The following TET2 variants were observed in gnomAD, a reference collection of about 807,000 sequenced individuals.
TET2 encodes the protein methylcytosine dioxygenase TET2.
In TET2, 299 loss-of-function variants were observed where a neutral mutation model predicts 142.9. The ratio of observed to expected loss-of-function variants is 2.09; its 90% CI spans 1.90 to 2.30. The LOEUF (loss-of-function observed/expected upper bound fraction) is 2.30, where lower values mean the gene tolerates loss of function less well. Among genes scored for constraint, TET2 ranks in the 30% most tolerant of loss-of-function variants. TET2 has a pLI of 0.00. For synonymous variants in TET2, 819 were observed against 849.0 expected, an observed-to-expected ratio of 0.96 and a Z score of 0.61; for missense variants, 2,418 against 2,378.0, an observed-to-expected ratio of 1.02 and a Z score of -0.35.
intron 2 of TET2, among the ~76,000 whole-genome samples, chr4:105,230,698 G>A (rs182793472): frequency 2.6e-5 from 4 of 152,108 alleles, no homozygotes; most frequent in East Asian, 1.9e-4. Context: ...ATTTGTAGGC[G>A]TCCTATATGT....
chr4:105,186,661 G>A (rs868490295), intron 1 of TET2, among the ~76,000 whole-genome samples: 4 of 151,792 alleles, frequency 2.6e-5, no homozygotes, highest in South Asian at 2.1e-4. Flanking sequence ...TAGTAGAGAC[G>A]GGGTTTCATC....
intron 4 of TET2, chr4:105,241,713 A>C: frequency 7.8e-7 from 1 of 1,281,238 alleles, no homozygotes; most frequent in South Asian, 3.3e-5. Flanking sequence ...TGCCAGCCAC[A>C]AGGTACTGGC....
chr4:105,276,133 T>G lies in TET2; in HGVS notation c.5623T>G (p.Cys1875Gly), dbSNP rs1731210786. ...AACTCATGGGTCAATTCTCATTGAG[T>G]GTGCAAAGCGTGAGCTGCATGCCAC... ...APTHGSILIE[C>G]AKRELHATTP... Residue 1875 changes from cysteine (C) to glycine (G), a missense_variant, in exon 11 of 11, where the codon TGT becomes GGT. Coordinates refer to ENST00000380013, the MANE Select transcript of TET2 (RefSeq NM_001127208.3). The G allele has an allele frequency of 6.4e-7, 1 of 1,551,438 alleles. No individual in the cohort carries two copies. Among genetic ancestry groups the G allele is most frequent in the Non-Finnish European group, 8.7e-7 (1 of 1,146,968 alleles).
At chr4:105,229,810 T>C (rs2110619813) in intron 2 of TET2, among the ~76,000 whole-genome samples, 1 of 152,190 alleles carries the variant, frequency 6.6e-6, no homozygotes, top group Non-Finnish European at 1.5e-5. Context: ...GGTTGTAGCA[T>C]TCTTATATAA....
At position 105,276,289 on chromosome 4, in the gene TET2, G is replaced by A. The variant is rs2110316465; in HGVS notation, c.5779G>A (p.Glu1927Lys). The A allele has an allele frequency of 6.4e-7, 1 of 1,551,660 alleles. No homozygotes were observed. Among genetic ancestry groups the A allele is most frequent in the Non-Finnish European group, 8.7e-7 (1 of 1,146,962 alleles). The change falls in exon 11 of 11, where the codon GAG (glutamate) becomes AAG (lysine). Residue 1927 changes from glutamate to lysine, a missense_variant. Transcript: ENST00000380013. ...WEAKMAEKAR[E>K]KEEECEKYGP... is the part of the protein sequence containing the mutation. ...AGCCAAAATGGCTGAAAAAGCCCGT[G>A]AGAAAGAGGAAGAGTGTGAAAAGTA...
In TET2 at chr4:105,236,382, C is replaced by T. The variant is rs192553789; in HGVS notation, c.2440C>T (p.Arg814Cys). Residue 814 changes from arginine to cysteine, a missense_variant, in exon 3 of 11, where the codon CGT becomes TGT. Coordinates refer to ENST00000380013, the MANE Select transcript of TET2 (RefSeq NM_001127208.3). ...MGLEEVQNIN[R>C]RNSPYSQTMK... The stretch of plus-strand genomic sequence containing the variant: ...ACTGGAGGAAGTACAGAATATAAAT[C>T]GTAGAAATTCCCCTTATAGTCAGAC... 323 of 1,613,894 alleles carry T rather than the reference C, an allele frequency of 2.0e-4. 5 individuals are homozygous for T. The East Asian group carries it at 4.5e-3, about 22-fold the overall frequency.
Position 105,278,732 on chromosome 4 carries a change from A to G in TET2, c.*2213A>G, listed in dbSNP as rs536509630. On this transcript the variant is annotated 3_prime_UTR_variant, in exon 11 of 11. Coordinates refer to ENST00000380013, the MANE Select transcript of TET2 (RefSeq NM_001127208.3). ...CTTTTGACTGTTTCAAGCAGGAAAA[A>G]AAAATTACATGAAAATAGAATGCAC... The G allele has an allele frequency of 2.7e-4, 62 of 233,020 alleles. No homozygotes were observed. The highest frequency in any genetic ancestry group is 1.3e-3 in the African/African-American group (59 of 45,452). The allele number at this position is 233,020 out of a possible 1,614,324, so 14.4% of individuals were successfully genotyped here. A position where few individuals can be genotyped will look rare whatever the true frequency, so the allele number is the denominator to read the frequency against.
chr4:105,156,969 AAAGTT>A (rs1372151228), intron 1 of TET2, among the ~76,000 whole-genome samples: 1 of 152,190 alleles, frequency 6.6e-6, no homozygotes, highest in East Asian at 1.9e-4. Flanking sequence ...CATTGGCTGT[AAAGTT>A]ATCTCAGCTC....
intron 6 of TET2, among the ~76,000 whole-genome samples, chr4:105,247,030 C>T (rs1251204431): frequency 6.6e-6 from 1 of 152,086 alleles, no homozygotes; most frequent in African/African-American, 2.4e-5. Context: ...GCCAGAAATG[C>T]CTTCTGCCAT....
chr4:105,214,041 A>G (rs1446298983), intron 2 of TET2, among the ~76,000 whole-genome samples: 1 of 151,948 alleles, frequency 6.6e-6, no homozygotes, highest in Non-Finnish European at 1.5e-5. Flanking sequence ...AGTAGAAACA[A>G]GGTTTCACCA....
At position 105,269,697 on chromosome 4, in the gene TET2, T is replaced by A. The variant is rs1405863391; in HGVS notation, c.4132T>A (p.Cys1378Ser). The A allele has an allele frequency of 6.4e-7, 1 of 1,551,566 alleles. No homozygotes were observed. The highest frequency in any genetic ancestry group is 8.7e-7 in the Non-Finnish European group (1 of 1,146,966). Reference sequence around the variant, plus strand: ...AGGGGTCACTGCATGTTTGGACTTCTGTGCTCATGCCCACAGAGACTTGCA... The same window carrying A: ...AGGGGTCACTGCATGTTTGGACTTCAGTGCTCATGCCCACAGAGACTTGCA... Reference protein sequence around the residue: ...FSGVTACLDFCAHAHRDLHNM... With the variant: ...FSGVTACLDFSAHAHRDLHNM... The change falls in exon 9 of 11, where the codon TGT (cysteine) becomes AGT (serine). Residue 1378 changes from cysteine (C) to serine (S), a missense_variant. Cys to Ser is a moderately radical substitution (Grantham distance 112). Transcript: ENST00000380013.
chr4:105,220,806 A>C (rs1027642200), intron 2 of TET2, among the ~76,000 whole-genome samples: 3 of 152,044 alleles, frequency 2.0e-5, no homozygotes, highest in African/African-American at 7.2e-5. Flanking sequence ...ATCTGTCCTT[A>C]TTTCTTCTAT....
intron 6 of TET2, among the ~76,000 whole-genome samples, chr4:105,259,297 C>T (rs1317613059): frequency 6.6e-6 from 1 of 152,086 alleles, no homozygotes; most frequent in Admixed American, 6.6e-5. Context: ...GGGAGACAGA[C>T]AGTGAGTGAC....
At chr4:105,257,995 T>A (rs768676996) in intron 6 of TET2, among the ~76,000 whole-genome samples, 5 of 152,090 alleles carry the variant, frequency 3.3e-5, no homozygotes, top group African/African-American at 9.7e-5. Flanking sequence ...CAGTCTAGAG[T>A]ATATCCAACC....
At chr4:105,265,844 A>T (rs1730656833) in intron 8 of TET2, among the ~76,000 whole-genome samples, 2 of 152,196 alleles carry the variant, frequency 1.3e-5, no homozygotes, top group Admixed American at 1.3e-4. Flanking sequence ...AGGTGAACCT[A>T]TAAATACCCC....
intron 1 of TET2, among the ~76,000 whole-genome samples, chr4:105,166,240 T>C (rs552009800): frequency 7.2e-5 from 11 of 152,282 alleles, no homozygotes. Context: ...GATGCTACTT[T>C]AAGCATTAGG....
chr4:105,163,995 A>G (rs1012296288), intron 1 of TET2, among the ~76,000 whole-genome samples: 2 of 152,114 alleles, frequency 1.3e-5, no homozygotes, highest in Admixed American at 6.6e-5. Flanking sequence ...GATTATTACT[A>G]TCAGGCTAAT....
chr4:105,269,641 G>T lies in TET2; in HGVS notation c.4076G>T (p.Arg1359Leu), dbSNP rs775677220. 2 of 1,551,384 alleles carry T rather than the reference G, an allele frequency of 1.3e-6. No homozygotes were observed. The highest frequency in any genetic ancestry group is 1.7e-6 in the Non-Finnish European group (2 of 1,146,916). Reference protein sequence around the residue: ...IEYEHRAPECRLGLKEGRPFS... With the variant: ...IEYEHRAPECLLGLKEGRPFS... ...TATGAACACAGAGCACCAGAGTGCC[G>T]TCTGGGTCTGAAGGAAGGCCGTCCA... Residue 1359 changes from arginine to leucine, a missense_variant, in exon 9 of 11, where the codon CGT becomes CTT. Arg to Leu is a moderately radical substitution (Grantham distance 102). Transcript: ENST00000380013.
intron 1 of TET2, among the ~76,000 whole-genome samples, chr4:105,163,854 A>AGAGAGAGAGAGAGAGAGAGAGT (rs1553942671): frequency 1.2e-5 from 1 of 85,166 alleles, no homozygotes; most frequent in African/African-American, 4.5e-5. Context: ...AGAGAGAGAG[A>AGAGAGAGAGAGAGAGAGAGAGT]GTGTGTGTGT....
Sources: allele counts gnomAD v4.1 joint callset (sites outside exome capture counted in the v4.1 genomes callset), GRCh38; gene constraint gnomAD v4.1.1; transcripts MANE v1.5; gene names NCBI Gene and HGNC (gene_info 2026-07-23, HGNC 2026-07-21).